DOCK3: variants seen among roughly 807,000 people sequenced by gnomAD.
DOCK3 encodes dedicator of cytokinesis protein 3.
In DOCK3, 60 loss-of-function variants were observed where a neutral mutation model predicts 265.6. The observed-to-expected ratio is 0.23, with a 90% CI of 0.18 to 0.28. The LOEUF is 0.28. Among genes scored for constraint, DOCK3 ranks in the 10% least tolerant of loss-of-function variants. The pLI is 1.00. For synonymous variants in DOCK3, 881 were observed against 938.0 expected, an observed-to-expected ratio of 0.94 and a Z score of 1.11; for missense variants, 1,981 against 2,594.3, an observed-to-expected ratio of 0.76 and a Z score of 5.14.
chr3:50,993,174 A>G (rs1287861176), intron 5 of DOCK3, among the ~76,000 whole-genome samples: 2 of 152,150 alleles, frequency 1.3e-5, no homozygotes, highest in African/African-American at 2.4e-5. Context: ...GGGACCTCCT[A>G]TAAGACTCTC....
intron 3 of DOCK3, among the ~76,000 whole-genome samples, chr3:50,854,592 G>GTTTCTTTTTTTTTTTTTT (rs2046496258): frequency 2.1e-5 from 1 of 47,214 alleles, no homozygotes; most frequent in Non-Finnish European, 3.6e-5. Context: ...CATCACACCA[G>GTTTCTTTTTTTTTTTTTT]TTTTTTTTTT....
intron 5 of DOCK3, among the ~76,000 whole-genome samples, chr3:51,018,807 T>C (rs952369856): frequency 2.0e-5 from 3 of 151,984 alleles, no homozygotes; most frequent in Non-Finnish European, 2.9e-5. Flanking sequence ...GCTCATCCTG[T>C]ATCTTATTTT....
At chr3:51,095,608 T>TAAAATGTAAA (rs2082812742) in intron 9 of DOCK3, among the ~76,000 whole-genome samples, 1 of 152,056 alleles carries the variant, frequency 6.6e-6, no homozygotes, top group African/African-American at 2.4e-5. Flanking sequence ...AATGCAGCCC[T>TAAAATGTAAA]TTTAACATTT....
chr3:50,857,344 T>A (rs1035124540), intron 3 of DOCK3, among the ~76,000 whole-genome samples: 9 of 152,172 alleles, frequency 5.9e-5, no homozygotes, highest in Non-Finnish European at 1.5e-5. Flanking sequence ...CTGATTCAAT[T>A]TTTAAACTTC....
intron 4 of DOCK3, among the ~76,000 whole-genome samples, chr3:50,905,448 T>C (rs1401532480): frequency 6.6e-6 from 1 of 152,086 alleles, no homozygotes; most frequent in African/African-American, 2.4e-5. Flanking sequence ...TGAGCAGTGG[T>C]TTGTAGTTCT....
intron 5 of DOCK3, among the ~76,000 whole-genome samples, chr3:50,965,842 G>A (rs922717137): frequency 6.6e-6 from 1 of 152,038 alleles, no homozygotes; most frequent in Non-Finnish European, 1.5e-5. Context: ...TATTAAAGGT[G>A]TACAATGGAT....
intron 32 of DOCK3, among the ~76,000 whole-genome samples, chr3:51,319,771 A>G (rs1271665812): frequency 1.3e-5 from 2 of 151,846 alleles, no homozygotes; most frequent in East Asian, 3.9e-4. Flanking sequence ...AGGCTGAGGC[A>G]GGATAATCGC....
intron 5 of DOCK3, among the ~76,000 whole-genome samples, chr3:50,965,443 T>C (rs1042340161): frequency 6.6e-6 from 1 of 151,902 alleles, no homozygotes; most frequent in Non-Finnish European, 1.5e-5. Flanking sequence ...TGAGCAGAAA[T>C]ACATGAAATA....
chr3:51,016,617 TTATA>T (rs1491220043), intron 5 of DOCK3, among the ~76,000 whole-genome samples: 1 of 54,462 alleles, frequency 1.8e-5, no homozygotes, highest in Non-Finnish European at 2.9e-5. Flanking sequence ...TATTATATAT[TTATA>T]TATATAATAT....
chr3:51,308,374 A>T (rs1399633018), intron 27 of DOCK3, among the ~76,000 whole-genome samples: 2 of 151,764 alleles, frequency 1.3e-5, no homozygotes, highest in Non-Finnish European at 2.9e-5. Context: ...GGCCTTCCGC[A>T]GTGTTTGTGT....
intron 27 of DOCK3, among the ~76,000 whole-genome samples, chr3:51,308,866 AC>A (rs1486786054): frequency 3.4e-5 from 5 of 148,136 alleles, no homozygotes; most frequent in South Asian, 2.1e-4. Flanking sequence ...CACTTCTCAG[AC>A]GGGGCGGCTG....
intron 7 of DOCK3, among the ~76,000 whole-genome samples, chr3:51,088,873 G>A (rs1205348664): frequency 6.6e-6 from 1 of 152,208 alleles, no homozygotes; most frequent in Non-Finnish European, 1.5e-5. Context: ...AGGCATCATT[G>A]TGGAAAGTCT....
intron 5 of DOCK3, among the ~76,000 whole-genome samples, chr3:51,017,919 G>C (rs992611793): frequency 6.6e-6 from 1 of 151,762 alleles, no homozygotes; most frequent in African/African-American, 2.4e-5. Flanking sequence ...TTTAGACAGA[G>C]TTTTACTCTG....
At chr3:51,324,594 A>G (rs1253012348) in intron 32 of DOCK3, among the ~76,000 whole-genome samples, 1 of 152,238 alleles carries the variant, frequency 6.6e-6, no homozygotes, top group Non-Finnish European at 1.5e-5. Flanking sequence ...ACCAAAAAAG[A>G]GCCTGCATAG....
At chr3:50,736,954 A>G (rs2038671386) in intron 1 of DOCK3, among the ~76,000 whole-genome samples, 1 of 152,018 alleles carries the variant, frequency 6.6e-6, no homozygotes, top group South Asian at 2.1e-4. Context: ...GGCCTCCCAA[A>G]GTGCTGGGAT....
chr3:50,730,967 A>G (rs2038171154), intron 1 of DOCK3, among the ~76,000 whole-genome samples: 1 of 151,786 alleles, frequency 6.6e-6, no homozygotes, highest in Admixed American at 6.6e-5. Context: ...CGTCTCTGCT[A>G]AAAATACAAA....
intron 12 of DOCK3, among the ~76,000 whole-genome samples, chr3:51,202,607 C>T (rs1363522883): frequency 1.3e-5 from 2 of 152,122 alleles, no homozygotes; most frequent in Non-Finnish European, 1.5e-5. Flanking sequence ...GAACTGGTAC[C>T]ATTCCTTCTG....
At chr3:50,733,646 A>G (rs573831711) in intron 1 of DOCK3, among the ~76,000 whole-genome samples, 23 of 152,316 alleles carry the variant, frequency 1.5e-4, no homozygotes, top group African/African-American at 5.1e-4. Flanking sequence ...TAGGCAACAT[A>G]TAGTTGGATC....
intron 5 of DOCK3, among the ~76,000 whole-genome samples, chr3:51,055,393 T>G (rs981175615): frequency 1.3e-5 from 2 of 152,204 alleles, no homozygotes; most frequent in African/African-American, 4.8e-5. Context: ...CTTGTCTTCC[T>G]CCACCTTACT....
Sources: allele counts gnomAD v4.1 joint callset (sites outside exome capture counted in the v4.1 genomes callset), GRCh38; gene constraint gnomAD v4.1.1; transcripts MANE v1.5; gene names NCBI Gene and HGNC (gene_info 2026-07-23, HGNC 2026-07-21).